The following SEPTIN8 variants were observed in gnomAD, a reference collection of about 807,000 sequenced individuals.
The protein encoded by SEPTIN8 is septin 8, also known as septin-8.
Under a neutral mutation model 53.1 loss-of-function variants are expected in SEPTIN8, and 22 were observed. The ratio of observed to expected loss-of-function variants is 0.41; its 90% CI spans 0.30 to 0.59. The LOEUF (loss-of-function observed/expected upper bound fraction) is 0.59. SEPTIN8 is among the 20% of genes least tolerant of loss of function. SEPTIN8 has a pLI of 0.24. For synonymous variants in SEPTIN8, 228 were observed against 248.4 expected, an observed-to-expected ratio of 0.92 and a Z score of 0.77; for missense variants, 536 against 638.7, an observed-to-expected ratio of 0.84 and a Z score of 1.73.
rs1192078740 is a variant in SEPTIN8 at position 132,750,894 on chromosome 5, G to A, written c.*1122C>T. 6.2e-7 allele frequency: 1 copy of A among 1,614,202 alleles called. No individual in the cohort carries two copies. The highest frequency in any genetic ancestry group is 8.5e-7 in the Non-Finnish European group (1 of 1,180,020). ...GTAAAAGACTTCACAAAGCACTATG[G>A]CTCTGACTATTCCCCGAATGAGCTG... is the stretch of plus-strand genomic sequence containing the variant. On this transcript the variant is annotated 3_prime_UTR_variant, in exon 10 of 10. Coordinates refer to ENST00000378719, the MANE Select transcript of SEPTIN8 (RefSeq NM_001098811.2).
chr5:132,775,287 G>A (rs1295291265), intron 1 of SEPTIN8, among the ~76,000 whole-genome samples: 1 of 152,222 alleles, frequency 6.6e-6, no homozygotes, highest in Non-Finnish European at 1.5e-5. Flanking sequence ...GAGCAGGGAT[G>A]GAAGCTCTAC....
In SEPTIN8 at chr5:132,760,013, T is replaced by G. The variant is rs1050355330; in HGVS notation, c.1286+789A>C. 1.3e-5 allele frequency among the ~76,000 whole-genome samples: 2 copies of G among 151,936 alleles called. No homozygotes were observed. The highest frequency in any genetic ancestry group is 6.6e-5 in the Admixed American group (1 of 15,254). ...TCCAGTCTTTCTCTCCTCTCTCCAC[T>G]CTGCAGGAACAACTCCAGCCTCTAC... On this transcript the variant is annotated intron_variant, in intron 9 of 9. Transcript: ENST00000378719. The surrounding 1 kb of genome is among the most constrained non-coding windows in gnomAD (Gnocchi z 5.2).
rs562838256 is a variant in SEPTIN8 at position 132,765,366 on chromosome 5, G to T, written c.151+43C>A. 1,439 of 1,608,444 alleles carry T rather than the reference G, an allele frequency of 8.9e-4. 16 individuals carry two copies. The South Asian group carries it at 0.015, about 16-fold the overall frequency. On this transcript the variant is annotated intron_variant, in intron 2 of 9. Coordinates refer to ENST00000378719, the MANE Select transcript of SEPTIN8 (RefSeq NM_001098811.2). Reference sequence around the variant, plus strand: ...CCAGAAGCACCCCCTCTCCCAGGAGGTTCTCACCCACCCTCTGTCTGAGGC... The same window carrying T: ...CCAGAAGCACCCCCTCTCCCAGGAGTTTCTCACCCACCCTCTGTCTGAGGC...
chr5:132,768,238 G>A (rs930370256), intron 1 of SEPTIN8, among the ~76,000 whole-genome samples: 1 of 151,942 alleles, frequency 6.6e-6, no homozygotes. Context: ...CTCTGTTATC[G>A]CAGGGGCCAC....
At chr5:132,756,027 G>GA (rs1554111601) in intron 9 of SEPTIN8, 2 of 985,028 alleles carry the variant, frequency 2.0e-6, no homozygotes, top group Non-Finnish European at 1.2e-6. Flanking sequence ...AAAATTTAAT[G>GA]AAAAAAATAA....
At chr5:132,762,454 AG>A (rs1561751941) in intron 5 of SEPTIN8, 29 bp downstream of exon 5, 5 of 1,609,940 alleles carry the variant, frequency 3.1e-6, no homozygotes, top group Non-Finnish European at 4.2e-6. Flanking sequence ...CTCTGGCCCC[AG>A]GGCCCTGAGG....
upstream of SEPTIN8, among the ~76,000 whole-genome samples, chr5:132,779,440 TGC>T (rs1758005436): frequency 6.6e-6 from 1 of 152,292 alleles, no homozygotes; most frequent in East Asian, 1.9e-4. Flanking sequence ...GCATTTTCTG[TGC>T]AAAAGAAAGG....
Position 132,761,898 on chromosome 5 carries a change from T to A in SEPTIN8, c.697-2A>T. 1 of 1,584,278 alleles carries A rather than the reference T, an allele frequency of 6.3e-7. No individual in the cohort carries two copies. On this transcript the variant is annotated splice_acceptor_variant, in intron 5 of 9. Transcript: ENST00000378719. LOFTEE classifies it high-confidence loss of function. The surrounding 1 kb of genome is among the most constrained non-coding windows in gnomAD (Gnocchi z 5.8). ...CACCACGGCAAAGGGCAGATGTGCC[T>A]GGAAAGGGGCCCGGGTATGCGTAAG...
chr5:132,765,437 C>G lies in SEPTIN8; in HGVS notation c.123G>C (p.Gln41His). ...PDQLVSKSVT[Q>H]GFSFNILCVG... ...CACAGAGGATGTTGAAGCTGAAGCCCTGAGTGACCGACTTGCTGACCAGCT... is the reference window on the plus strand; with the variant it reads ...CACAGAGGATGTTGAAGCTGAAGCCGTGAGTGACCGACTTGCTGACCAGCT... Residue 41 changes from glutamine (Q) to histidine (H), a missense_variant, in exon 2 of 10, where the codon CAG becomes CAC. Transcript: ENST00000378719. 1 of 1,613,720 alleles carries G rather than the reference C, an allele frequency of 6.2e-7. No homozygotes were observed. The highest frequency in any genetic ancestry group is 8.5e-7 in the Non-Finnish European group (1 of 1,179,778).
At position 132,751,589 on chromosome 5, in the gene SEPTIN8, A is replaced by G; in HGVS notation, c.*427T>C. The G allele has an allele frequency of 3.4e-6, 1 of 291,568 alleles. No individual in the cohort carries two copies. Among genetic ancestry groups the G allele is most frequent in the Non-Finnish European group, 6.4e-6 (1 of 157,060 alleles). The allele number at this position is 291,568 out of a possible 1,614,324, so 18.1% of individuals were successfully genotyped here. ...AATTACTAAAGACTGTTTCATTACGAAAACTGGCCACCGTTGCCAAGTTGC... is the reference window on the plus strand; with the variant it reads ...AATTACTAAAGACTGTTTCATTACGGAAACTGGCCACCGTTGCCAAGTTGC... On this transcript the variant is annotated 3_prime_UTR_variant, in exon 10 of 10. Transcript: ENST00000378719.
intron 1 of SEPTIN8, among the ~76,000 whole-genome samples, chr5:132,771,905 C>T (rs1033079924): frequency 1.3e-5 from 2 of 152,084 alleles, no homozygotes; most frequent in South Asian, 4.1e-4. Flanking sequence ...GATGCTGCTA[C>T]CCGGGGCCAG....
upstream of SEPTIN8, among the ~76,000 whole-genome samples, chr5:132,779,335 A>G (rs747751590): frequency 3.3e-5 from 5 of 152,226 alleles, no homozygotes; most frequent in African/African-American, 4.8e-5. Flanking sequence ...TTTTACCACA[A>G]AAAGATTGGT....
rs1180826328 is a variant in SEPTIN8 at position 132,751,833 on chromosome 5, A to G, written c.*183T>C. The G allele has an allele frequency of 2.7e-6, 3 of 1,096,590 alleles. No homozygotes were observed. Among genetic ancestry groups the G allele is most frequent in the Non-Finnish European group, 3.9e-6 (3 of 771,866 alleles). 67.9% of individuals were successfully genotyped at this position (1,096,590 alleles called of 1,614,324 possible). ...TAAGCCTCAAGCCCCTTACGGAGCC[A>G]TGGATAGGAATGAAAAGGGTTGGGC... On this transcript the variant is annotated 3_prime_UTR_variant, in exon 10 of 10. Transcript: ENST00000378719.
At chr5:132,777,562 C>A (rs1223442572), upstream of SEPTIN8, 1 of 972,394 alleles carries the variant, frequency 1.0e-6, no homozygotes, top group East Asian at 1.1e-4. This position sits in a 1 kb window ranked among gnomAD's most constrained non-coding sequence, Gnocchi z 4.1. Context: ...TGGGTCCGCG[C>A]GCTGGAAAGC....
intron 9 of SEPTIN8, chr5:132,754,405 G>A (rs1439551385): frequency 1.4e-5 from 10 of 717,260 alleles, no homozygotes; most frequent in Non-Finnish European, 1.8e-5. Flanking sequence ...ACATCCTGAG[G>A]GCCCATACCA....
intron 9 of SEPTIN8, chr5:132,757,609 C>T: frequency 1.0e-6 from 1 of 985,360 alleles, no homozygotes; most frequent in South Asian, 4.7e-5. Flanking sequence ...CTCTGGGTAG[C>T]TCCAGTGCCC....
intron 2 of SEPTIN8, 49 bp downstream of exon 2, chr5:132,765,360 C>T (rs766226998): frequency 1.2e-6 from 2 of 1,605,324 alleles, no homozygotes; most frequent in Admixed American, 3.4e-5. Context: ...CCCCCTCTCC[C>T]AGGAGGTTCT....
intron 3 of SEPTIN8, 51 bp from the exon 4 acceptor site, chr5:132,763,943 G>A: frequency 1.3e-6 from 2 of 1,496,864 alleles, no homozygotes; most frequent in East Asian, 2.3e-5. Context: ...TCAGGGGCTT[G>A]GGGCTTGGGG....
chr5:132,777,976 C>G, upstream of SEPTIN8: 1 of 985,472 alleles, frequency 1.0e-6, no homozygotes, highest in Non-Finnish European at 1.2e-6. The surrounding 1 kb of genome is among the most constrained non-coding windows in gnomAD (Gnocchi z 4.1). Context: ...GGGCTTGGGA[C>G]AACGTCTTAA....
Sources: gnomAD v4.1 joint callset for allele counts (sites outside exome capture counted in the v4.1 genomes callset) on GRCh38, gnomAD v4.1.1 for gene constraint, Gnocchi (gnomAD v3.1) non-coding constraint, MANE v1.5 for transcripts, NCBI Gene and HGNC (gene_info 2026-07-23, HGNC 2026-07-21) for gene names.